Variants in CDH22 observed in about 807,000 individuals in gnomAD.
CDH22 encodes the protein cadherin 22.
CDH22 carries 30 observed loss-of-function variants against 58.4 expected under a neutral mutation model. The ratio of observed to expected loss-of-function variants is 0.51; its 90% confidence interval spans 0.38 to 0.70. The LOEUF (loss-of-function observed/expected upper bound fraction) is 0.70. Ranked by LOEUF, CDH22 falls within the 30% of genes least tolerant of loss-of-function variation. The probability of loss-of-function intolerance (pLI) is 0.00; values close to 1 mark genes in which losing one functional copy is unlikely to be tolerated. For synonymous variants in CDH22, 513 were observed against 558.2 expected (o/e 0.92, Z 1.14); for missense variants, 1,014 against 1,233.9 (o/e 0.82, Z 2.67).
At chr20:46,178,397 A>G (rs899691541) in intron 10 of CDH22, among the ~76,000 whole-genome samples, 200 bp from the exon 11 acceptor site, 3 of 151,892 alleles carry the variant, frequency 2.0e-5, no homozygotes, top group African/African-American at 7.3e-5. Context: ...CTGCCCAAAG[A>G]TTCTGTCCCC....
chr20:46,180,392 G>C (rs903968682), intron 10 of CDH22, among the ~76,000 whole-genome samples: 7 of 152,218 alleles, frequency 4.6e-5, no homozygotes, highest in African/African-American at 1.4e-4. Flanking sequence ...AAGTTCGACA[G>C]TTCAAACTGG....
At chr20:46,257,657 A>C (rs901469509) in intron 1 of CDH22, among the ~76,000 whole-genome samples, 1 of 152,238 alleles carries the variant, frequency 6.6e-6, no homozygotes, top group Non-Finnish European at 1.5e-5. Flanking sequence ...TAAACCCCGA[A>C]AGCCTGTTAG....
chr20:46,290,512 G>C (rs533533522), intron 1 of CDH22, among the ~76,000 whole-genome samples: 30 of 152,336 alleles, frequency 2.0e-4, no homozygotes, highest in African/African-American at 6.7e-4. Context: ...TCTCTGAAGG[G>C]TTAGCCAAGG....
At chr20:46,208,668 C>G (rs1045699064) in intron 7 of CDH22, among the ~76,000 whole-genome samples, 3 of 152,172 alleles carry the variant, frequency 2.0e-5, no homozygotes, top group Admixed American at 2.0e-4. Context: ...AATCTCGGCT[C>G]ACTGCAACCC....
At chr20:46,209,942 G>A (rs528001752) in intron 7 of CDH22, 4 of 221,580 alleles carry the variant, frequency 1.8e-5, no homozygotes, top group Admixed American at 5.8e-5. Context: ...GGAGAAGACT[G>A]GGGGAGTCCT....
chr20:46,251,120 G>A lies in CDH22; in HGVS notation c.175C>T (p.Arg59Cys). The part of the protein sequence containing the change: ...ARQDGALGAG[R>C]VKRGWVWNQF... The stretch of plus-strand genomic sequence containing the variant: ...TTCCACACCCAGCCGCGTTTGACGC[G>A]GCCGGCTCCCAGCGCGCCGTCCTGC... Residue 59 changes from arginine to cysteine, a missense_variant, in exon 2 of 12, where the codon CGC (arginine) becomes TGC (cysteine). Physicochemically the swap from Arg to Cys is radical, Grantham distance 180. Coordinates refer to ENST00000537909, the MANE Select transcript of CDH22 (RefSeq NM_021248.3). The surrounding 1 kb of genome is among the most constrained non-coding windows in gnomAD (Gnocchi z 6.7). 6.2e-7 allele frequency: 1 copy of A among 1,606,268 alleles called. No individual in the cohort carries two copies. Among genetic ancestry groups the A allele is most frequent in the Non-Finnish European group, 8.5e-7 (1 of 1,176,466 alleles).
intron 1 of CDH22, among the ~76,000 whole-genome samples, chr20:46,289,814 A>C (rs1365188945): frequency 6.6e-6 from 1 of 152,202 alleles, no homozygotes; most frequent in Non-Finnish European, 1.5e-5. Context: ...GAATCTCTAG[A>C]GGCCAGAAGG....
chr20:46,221,426 A>G (rs2086124998), intron 4 of CDH22, among the ~76,000 whole-genome samples: 1 of 152,044 alleles, frequency 6.6e-6, no homozygotes. Flanking sequence ...AAGATGGCTC[A>G]TTTACATGTC....
intron 4 of CDH22, among the ~76,000 whole-genome samples, chr20:46,225,670 T>C (rs1163540625): frequency 6.6e-6 from 1 of 152,170 alleles, no homozygotes; most frequent in South Asian, 2.1e-4. Context: ...TTGAGATGTA[T>C]TATCTATTAA....
intron 3 of CDH22, among the ~76,000 whole-genome samples, chr20:46,230,887 A>C (rs914893874): frequency 1.3e-5 from 2 of 152,216 alleles, no homozygotes; most frequent in African/African-American, 4.8e-5. Flanking sequence ...CTGGTGCAGG[A>C]GAGAGGCAGG....
intron 1 of CDH22, among the ~76,000 whole-genome samples, chr20:46,296,133 A>G (rs1600729959): frequency 6.6e-6 from 1 of 152,190 alleles, no homozygotes; most frequent in Non-Finnish European, 1.5e-5. Context: ...CTCTTTTTGT[A>G]TCTTCGCAGT....
intron 1 of CDH22, among the ~76,000 whole-genome samples, chr20:46,270,384 G>A (rs2086480903): frequency 6.6e-6 from 1 of 152,118 alleles, no homozygotes; most frequent in Admixed American, 6.5e-5. Flanking sequence ...GCCCCATCTG[G>A]GGTGACAGAT....
chr20:46,175,198 A>G, intron 11 of CDH22, 121 bp from the exon 12 acceptor site: 2 of 921,398 alleles, frequency 2.2e-6, no homozygotes, highest in South Asian at 1.8e-5. Context: ...CAACATTCCT[A>G]CAGATTTCCT....
At chr20:46,297,603 G>T (rs2086634367) in intron 1 of CDH22, among the ~76,000 whole-genome samples, 1 of 151,608 alleles carries the variant, frequency 6.6e-6, no homozygotes, top group African/African-American at 2.4e-5. Context: ...GGGCTCAGCT[G>T]CAGGGCTGGG....
intron 6 of CDH22, among the ~76,000 whole-genome samples, chr20:46,212,547 G>C (rs545887727): frequency 6.6e-6 from 1 of 152,338 alleles, no homozygotes; most frequent in South Asian, 2.1e-4. Flanking sequence ...CACTAGACCT[G>C]GGTTCAAATC....
intron 8 of CDH22, among the ~76,000 whole-genome samples, chr20:46,193,672 C>A (rs150965299): frequency 1.3e-5 from 2 of 152,304 alleles, no homozygotes; most frequent in South Asian, 2.1e-4. Context: ...GCTCTGGACA[C>A]CCTTCAGCTC....
chr20:46,216,842 C>G lies in CDH22; in HGVS notation c.822G>C (p.Pro274=). The G allele has an allele frequency of 6.3e-7, 1 of 1,599,612 alleles. No homozygotes were observed. Among genetic ancestry groups the G allele is most frequent in the African/African-American group, 1.3e-5 (1 of 74,710 alleles). Residue 274 remains proline, a synonymous_variant, in exon 5 of 12, where the codon CCG becomes CCC. Transcript: ENST00000537909. This position sits in a 1 kb window ranked among gnomAD's most constrained non-coding sequence, Gnocchi z 5.3. ...TIVVTDVNDN[P]PRFPQKMYQF... ...CTCACTCACTCTGCGGGAAACGGGG[C>G]GGGTTGTCATTGACGTCGGTGACTA... is the stretch of plus-strand genomic sequence containing the variant.
chr20:46,183,509 G>A (rs2085803023), intron 10 of CDH22, among the ~76,000 whole-genome samples: 1 of 152,106 alleles, frequency 6.6e-6, no homozygotes, highest in Non-Finnish European at 1.5e-5. Context: ...GCTCAATGGA[G>A]CCTCAAACTC....
At chr20:46,195,866 G>A (rs1399362287) in intron 8 of CDH22, among the ~76,000 whole-genome samples, 1 of 152,200 alleles carries the variant, frequency 6.6e-6, no homozygotes, top group Non-Finnish European at 1.5e-5. Context: ...GACAGGCGGT[G>A]GCTCCTGGCT....
Sources: allele counts gnomAD v4.1 joint callset (sites outside exome capture counted in the v4.1 genomes callset), GRCh38; gene constraint gnomAD v4.1.1; non-coding constraint Gnocchi (gnomAD v3.1); transcripts MANE v1.5; gene names NCBI Gene and HGNC (gene_info 2026-07-23, HGNC 2026-07-21).